TEX9: variants seen among roughly 807,000 people sequenced by gnomAD.
TEX9 encodes testis expressed 9.
In TEX9, 74 loss-of-function variants were observed where a neutral mutation model predicts 59.6. The observed-to-expected ratio is 1.24, with a 90% CI of 1.03 to 1.51. TEX9 has a LOEUF of 1.51. Ranked by LOEUF, TEX9 falls within the 40% of genes most tolerant of loss-of-function variation. TEX9 has a pLI of 0.00. For synonymous variants in TEX9, 186 were observed against 152.2 expected, an observed-to-expected ratio of 1.22 and a Z score of -1.64; for missense variants, 522 against 447.8, an observed-to-expected ratio of 1.17 and a Z score of -1.49.
chr15:56,427,384 T>C (rs1301296852), intron 10 of TEX9, among the ~76,000 whole-genome samples: 1 of 152,182 alleles, frequency 6.6e-6, no homozygotes, highest in East Asian at 1.9e-4. Context: ...GAATTAGAAC[T>C]GAGTTATTTT....
At chr15:56,344,027 C>T (rs1158446722) in intron 1 of TEX9, among the ~76,000 whole-genome samples, 3 of 152,084 alleles carry the variant, frequency 2.0e-5, no homozygotes, top group East Asian at 1.9e-4. Context: ...CAAATGTTAG[C>T]GAGGATGTGG....
chr15:56,298,742 A>C, intron 1 of TEX9, among the ~76,000 whole-genome samples: 1 of 152,204 alleles, frequency 6.6e-6, no homozygotes, highest in East Asian at 1.9e-4. Context: ...ACTGCTTTTC[A>C]AAGGCCATTG....
At chr15:56,308,123 C>T (rs1232192838) in intron 1 of TEX9, among the ~76,000 whole-genome samples, 1 of 152,052 alleles carries the variant, frequency 6.6e-6, no homozygotes, top group Non-Finnish European at 1.5e-5. Flanking sequence ...TTTAGGTAAC[C>T]ACATTTAACT....
chr15:56,324,936 A>G (rs1463484444), intron 1 of TEX9, among the ~76,000 whole-genome samples: 1 of 152,206 alleles, frequency 6.6e-6, no homozygotes, highest in African/African-American at 2.4e-5. Context: ...TGATTTCATT[A>G]TAAAATCCAC....
intron 1 of TEX9, among the ~76,000 whole-genome samples, chr15:56,356,045 G>T (rs956265322): frequency 6.6e-6 from 1 of 151,962 alleles, no homozygotes; most frequent in African/African-American, 2.4e-5. Flanking sequence ...ATTTTTTGTA[G>T]TCTGGTATTT....
At chr15:56,429,200 G>T in intron 12 of TEX9, 1 of 1,565,946 alleles carries the variant, frequency 6.4e-7, no homozygotes, top group South Asian at 1.2e-5. Flanking sequence ...CTCCCTACGA[G>T]AAAAATACTT....
At chr15:56,309,323 T>C (rs921773048) in intron 1 of TEX9, among the ~76,000 whole-genome samples, 2 of 152,192 alleles carry the variant, frequency 1.3e-5, no homozygotes, top group Non-Finnish European at 2.9e-5. Flanking sequence ...GATTCTGTGG[T>C]TTTTGTATTT....
chr15:56,317,848 T>G (rs1223490373), intron 1 of TEX9, among the ~76,000 whole-genome samples: 3 of 152,194 alleles, frequency 2.0e-5, no homozygotes, highest in African/African-American at 7.2e-5. Flanking sequence ...GATTTTTAAT[T>G]TTATTCAATT....
intron 1 of TEX9, among the ~76,000 whole-genome samples, chr15:56,291,503 A>G (rs1422629665): frequency 6.6e-6 from 1 of 152,224 alleles, no homozygotes. Flanking sequence ...ACATTATGGA[A>G]TGGTTGAATC....
At chr15:56,346,653 T>C (rs1463771886) in intron 1 of TEX9, among the ~76,000 whole-genome samples, 1 of 152,188 alleles carries the variant, frequency 6.6e-6, no homozygotes, top group African/African-American at 2.4e-5. Context: ...CGTTTTTCTT[T>C]AGGACATTTG....
At chr15:56,246,386 A>C (rs2043858335) in intron 1 of TEX9, among the ~76,000 whole-genome samples, 1 of 152,200 alleles carries the variant, frequency 6.6e-6, no homozygotes, top group Non-Finnish European at 1.5e-5. Context: ...GGAAAGGGGC[A>C]GCCCTCACTA....
chr15:56,279,287 A>G (rs2044758543), intron 1 of TEX9, among the ~76,000 whole-genome samples: 1 of 152,226 alleles, frequency 6.6e-6, no homozygotes, highest in African/African-American at 2.4e-5. Flanking sequence ...GACATATAGG[A>G]GGCTTTGGCC....
intron 1 of TEX9, among the ~76,000 whole-genome samples, chr15:56,282,344 C>T (rs1955320290): frequency 6.6e-6 from 1 of 152,034 alleles, no homozygotes; most frequent in Admixed American, 6.6e-5. Flanking sequence ...AAACAGTCAC[C>T]TTCTTAACAT....
intron 1 of TEX9, among the ~76,000 whole-genome samples, chr15:56,254,756 A>G (rs112390238): frequency 0.066 from 10,020 of 151,006 alleles, 461 homozygotes; most frequent in Admixed American, 0.1. Flanking sequence ...AAATTTTATA[A>G]TTTTAAGAAA....
intron 6 of TEX9, among the ~76,000 whole-genome samples, chr15:56,390,715 A>G (rs2048168841): frequency 6.6e-6 from 1 of 151,930 alleles, no homozygotes; most frequent in Admixed American, 6.6e-5. Flanking sequence ...GGTGGAAAAA[A>G]TGTTGTTTGA....
chr15:56,399,729 G>A (rs2048675744), intron 9 of TEX9, among the ~76,000 whole-genome samples: 2 of 152,182 alleles, frequency 1.3e-5, no homozygotes, highest in South Asian at 4.1e-4. Context: ...GACACCTCAT[G>A]TAGGTGGGTA....
At chr15:56,396,812 C>G (rs546239517) in intron 9 of TEX9, 3 of 152,266 alleles carry the variant, frequency 2.0e-5, no homozygotes, top group Admixed American at 6.5e-5. Context: ...GTGAGACATG[C>G]CTTTTACTTT....
At chr15:56,294,685 G>T (rs1740155824) in intron 1 of TEX9, among the ~76,000 whole-genome samples, 1 of 152,092 alleles carries the variant, frequency 6.6e-6, no homozygotes, top group Non-Finnish European at 1.5e-5. Flanking sequence ...CTTTTCCTGT[G>T]TTAGTTGATG....
At chr15:56,379,575 C>T (rs1200176660) in intron 3 of TEX9, among the ~76,000 whole-genome samples, 3 of 152,170 alleles carry the variant, frequency 2.0e-5, no homozygotes, top group Non-Finnish European at 4.4e-5. Context: ...TTCTGCAGTG[C>T]AGATTAAGTC....
Sources: allele counts gnomAD v4.1 joint callset (sites outside exome capture counted in the v4.1 genomes callset), GRCh38; gene constraint gnomAD v4.1.1; transcripts MANE v1.5; gene names NCBI Gene and HGNC (gene_info 2026-07-23, HGNC 2026-07-21).